UBTD1: variants seen among roughly 807,000 people sequenced by gnomAD.
UBTD1 encodes ubiquitin domain containing 1, also known as ubiquitin domain-containing protein 1.
UBTD1 carries 19 observed loss-of-function variants against 21.7 expected under a neutral mutation model. The ratio of observed to expected loss-of-function variants is 0.87; its 90% CI spans 0.61 to 1.28. UBTD1 has a LOEUF of 1.28. UBTD1 is among the 50% of genes most tolerant of loss of function. The pLI is 0.00. For missense variants in UBTD1, 282 were observed against 315.1 expected (o/e 0.89, Z 0.80); for synonymous variants, 116 against 135.1 (o/e 0.86, Z 0.98).
intron 1 of UBTD1, among the ~76,000 whole-genome samples, chr10:97,543,766 T>G (rs1328595129): frequency 2.6e-5 from 4 of 152,100 alleles, no homozygotes; most frequent in African/African-American, 9.7e-5. Flanking sequence ...CTTGCAAGAA[T>G]TAGGAACCAC....
chr10:97,524,736 G>A (rs1013164845), intron 1 of UBTD1, among the ~76,000 whole-genome samples: 28 of 152,346 alleles, frequency 1.8e-4, no homozygotes, highest in African/African-American at 6.5e-4. Context: ...TCGGCTCCTT[G>A]TGGTCACCTG....
intron 1 of UBTD1, among the ~76,000 whole-genome samples, chr10:97,559,590 T>C (rs982101018): frequency 3.9e-5 from 6 of 152,222 alleles, no homozygotes; most frequent in African/African-American, 1.4e-4. Flanking sequence ...TTTACCTTTA[T>C]ATTAGTGTGT....
At chr10:97,530,621 A>G (rs2040524765) in intron 1 of UBTD1, among the ~76,000 whole-genome samples, 1 of 152,180 alleles carries the variant, frequency 6.6e-6, no homozygotes, top group African/African-American at 2.4e-5. Context: ...GGGCACAGGT[A>G]AATCCGGCAA....
chr10:97,512,668 C>CCTAGG (rs1184018286), intron 1 of UBTD1, among the ~76,000 whole-genome samples: 1 of 152,222 alleles, frequency 6.6e-6, no homozygotes, highest in African/African-American at 2.4e-5. Context: ...TGCAGCTGAG[C>CCTAGG]CTAGCTGTGT....
At chr10:97,546,279 G>A (rs151309950) in intron 1 of UBTD1, among the ~76,000 whole-genome samples, 1 of 152,148 alleles carries the variant, frequency 6.6e-6, no homozygotes, top group Non-Finnish European at 1.5e-5. Context: ...CTGGTGCCTA[G>A]GTGTGTGTTT....
chr10:97,538,387 T>C (rs896403711), intron 1 of UBTD1, among the ~76,000 whole-genome samples: 1 of 152,194 alleles, frequency 6.6e-6, no homozygotes, highest in Non-Finnish European at 1.5e-5. Flanking sequence ...ATATTATTTA[T>C]TATACATTTG....
Position 97,554,546 on chromosome 10 carries a change from C to CATTT in UBTD1, c.71-13349_71-13346dup, listed in dbSNP as rs1242602463. On this transcript the variant is annotated intron_variant, in intron 1 of 2. Transcript: ENST00000370664. Reference sequence around the variant, plus strand: ...ACCTGCGTGAGCCACTGTGCCTGACCATTTATTTATTTATTTATTTATGAG... The same window carrying CATTT: ...ACCTGCGTGAGCCACTGTGCCTGACCATTTATTTATTTATTTATTTATTTATGAG... 1.2e-3 allele frequency among the ~76,000 whole-genome samples: 186 copies of CATTT among 151,632 alleles called. 1 individual carries two copies. The highest frequency in any genetic ancestry group is 3.9e-3 in the African/African-American group (163 of 41,334).
At chr10:97,533,672 C>G (rs963193607) in intron 1 of UBTD1, among the ~76,000 whole-genome samples, 1 of 152,104 alleles carries the variant, frequency 6.6e-6, no homozygotes, top group Non-Finnish European at 1.5e-5. Flanking sequence ...CCCTGTAATC[C>G]CAGCACTTTG....
chr10:97,545,213 C>T (rs2040603277), intron 1 of UBTD1, among the ~76,000 whole-genome samples: 2 of 151,312 alleles, frequency 1.3e-5, no homozygotes, highest in South Asian at 2.1e-4. Context: ...TGGTGGTAGG[C>T]GCCTGTAGTC....
intron 1 of UBTD1, among the ~76,000 whole-genome samples, chr10:97,548,343 C>T (rs979054874): frequency 2.0e-5 from 3 of 152,304 alleles, no homozygotes; most frequent in African/African-American, 2.4e-5. Context: ...CACATCAGTA[C>T]GTGGCAAAGA....
intron 1 of UBTD1, among the ~76,000 whole-genome samples, chr10:97,546,917 C>G (rs889328382): frequency 2.6e-5 from 4 of 152,102 alleles, no homozygotes; most frequent in Non-Finnish European, 5.9e-5. Flanking sequence ...CTCTCTCTCT[C>G]TGTCTGTCTC....
At chr10:97,531,236 G>A (rs1370748783) in intron 1 of UBTD1, among the ~76,000 whole-genome samples, 7 of 141,096 alleles carry the variant, frequency 5.0e-5, no homozygotes, top group African/African-American at 1.9e-4. Flanking sequence ...TTTTTGAGAT[G>A]GAGTCTTGCC....
At chr10:97,549,270 T>C (rs1332467848) in intron 1 of UBTD1, among the ~76,000 whole-genome samples, 1 of 152,198 alleles carries the variant, frequency 6.6e-6, no homozygotes, top group Non-Finnish European at 1.5e-5. Flanking sequence ...ACCCACTCCC[T>C]TTCTTTCTGC....
chr10:97,564,402 C>T (rs530285403), intron 1 of UBTD1, among the ~76,000 whole-genome samples: 6 of 152,272 alleles, frequency 3.9e-5, no homozygotes, highest in Admixed American at 2.0e-4. Flanking sequence ...TACAGAATCC[C>T]GTTCCCTTTC....
intron 1 of UBTD1, among the ~76,000 whole-genome samples, chr10:97,499,693 G>C (rs2040330597): frequency 2.0e-5 from 3 of 152,220 alleles, no homozygotes; most frequent in African/African-American, 7.2e-5. Flanking sequence ...GAGAACAGTC[G>C]CTCCTTCCAA....
intron 1 of UBTD1, among the ~76,000 whole-genome samples, chr10:97,547,553 CAGG>C (rs1445516978): frequency 6.6e-6 from 1 of 152,104 alleles, no homozygotes; most frequent in Non-Finnish European, 1.5e-5. Flanking sequence ...ATCCCTATGG[CAGG>C]AGTTTTCTTT....
intron 1 of UBTD1, among the ~76,000 whole-genome samples, chr10:97,532,745 G>A (rs1030470384): frequency 2.0e-5 from 3 of 151,816 alleles, no homozygotes; most frequent in South Asian, 2.1e-4. Context: ...AGCCAAGTTC[G>A]TGCCACTGCT....
At chr10:97,548,025 A>G (rs1393022382) in intron 1 of UBTD1, among the ~76,000 whole-genome samples, 1 of 152,184 alleles carries the variant, frequency 6.6e-6, no homozygotes, top group African/African-American at 2.4e-5. Context: ...TAATCCTTAC[A>G]GCAGTCCCAT....
intron 1 of UBTD1, among the ~76,000 whole-genome samples, chr10:97,500,649 C>G (rs1480476326): frequency 1.3e-5 from 2 of 152,202 alleles, no homozygotes; most frequent in Non-Finnish European, 2.9e-5. Context: ...TCCCCCCCTT[C>G]CTTTCTTGGC....
Sources: gnomAD v4.1 joint callset for allele counts (sites outside exome capture counted in the v4.1 genomes callset) on GRCh38, gnomAD v4.1.1 for gene constraint, MANE v1.5 for transcripts, NCBI Gene and HGNC (gene_info 2026-07-23, HGNC 2026-07-21) for gene names.